NXN: variants seen among roughly 807,000 people sequenced by gnomAD.
NXN encodes the protein nucleoredoxin 1.
In NXN, 16 loss-of-function variants were observed where a neutral mutation model predicts 48.6. The observed-to-expected ratio is 0.33, with a 90% CI of 0.22 to 0.50. NXN has a LOEUF of 0.50. Among genes scored for constraint, NXN ranks in the 20% least tolerant of loss-of-function variants. The pLI, the probability that NXN is intolerant of heterozygous loss-of-function variation, is 0.98. For missense variants in NXN, 492 were observed against 605.5 expected (o/e 0.81, Z 1.97); for synonymous variants, 281 against 269.6 (o/e 1.04, Z -0.41).
At chr17:826,951 A>C (rs7216790) in intron 1 of NXN, among the ~76,000 whole-genome samples, 1 of 152,128 alleles carries the variant, frequency 6.6e-6, no homozygotes, top group Non-Finnish European at 1.5e-5. Flanking sequence ...TCTGTTCGCC[A>C]TCGGGGTGAA....
At chr17:833,760 G>A (rs953789048) in intron 1 of NXN, among the ~76,000 whole-genome samples, 25 of 152,272 alleles carry the variant, frequency 1.6e-4, no homozygotes, top group Middle Eastern at 3.4e-3. Context: ...GTCAGTGCAC[G>A]TCTTGACCTT....
intron 1 of NXN, among the ~76,000 whole-genome samples, chr17:828,917 G>GGA (rs397701060): frequency 0.015 from 265 of 17,488 alleles, 4 homozygotes; most frequent in African/African-American, 0.031. Context: ...AATTCTTGGA[G>GGA]AAAAAAAATC....
intron 2 of NXN, among the ~76,000 whole-genome samples, chr17:824,192 A>G (rs1278765980): frequency 6.6e-6 from 1 of 152,026 alleles, no homozygotes; most frequent in Non-Finnish European, 1.5e-5. Context: ...GGTGCCCGCC[A>G]CCAGGCCCGG....
intron 1 of NXN, among the ~76,000 whole-genome samples, chr17:895,906 G>T (rs112734245): frequency 1.7e-4 from 26 of 152,112 alleles, no homozygotes; most frequent in African/African-American, 6.3e-4. Flanking sequence ...TAGTAAAATG[G>T]GCTTTACAAA....
intron 1 of NXN, among the ~76,000 whole-genome samples, chr17:836,473 T>C (rs1236215545): frequency 6.6e-6 from 1 of 152,154 alleles, no homozygotes; most frequent in Admixed American, 6.5e-5. Context: ...GCCCTAAATG[T>C]GCTCTCACCC....
At chr17:838,110 GA>G (rs1406710080) in intron 1 of NXN, among the ~76,000 whole-genome samples, 1 of 143,870 alleles carries the variant, frequency 7.0e-6, no homozygotes, top group African/African-American at 2.6e-5. Flanking sequence ...TCAGAACACT[GA>G]ATTTTCCTTT....
intron 1 of NXN, among the ~76,000 whole-genome samples, chr17:844,708 C>T (rs191507336): frequency 1.3e-5 from 2 of 152,178 alleles, no homozygotes; most frequent in Admixed American, 1.3e-4. Context: ...CCTCAGCCTC[C>T]TGAGGAGCTG....
At chr17:826,728 T>C (rs908836157) in intron 1 of NXN, among the ~76,000 whole-genome samples, 2 of 151,864 alleles carry the variant, frequency 1.3e-5, no homozygotes, top group Non-Finnish European at 2.9e-5. Context: ...AATATCACAG[T>C]CGTCGTTACG....
chr17:867,680 C>G (rs928396999), intron 1 of NXN, among the ~76,000 whole-genome samples: 1 of 152,160 alleles, frequency 6.6e-6, no homozygotes, highest in African/African-American at 2.4e-5. Flanking sequence ...AATCCCAGCA[C>G]TTTGGGAGGC....
At chr17:834,658 T>G (rs895861029) in intron 1 of NXN, among the ~76,000 whole-genome samples, 4 of 151,812 alleles carry the variant, frequency 2.6e-5, no homozygotes, top group African/African-American at 9.7e-5. Flanking sequence ...GTGCTGGGAT[T>G]ACAGGCGCCC....
chr17:919,213 A>G lies in NXN; in HGVS notation c.360+60106T>C, dbSNP rs2068720471. Among the ~76,000 whole-genome samples the G allele has an allele frequency of 6.6e-6, 1 of 151,796 alleles. No homozygotes were observed. The highest frequency in any genetic ancestry group is 6.6e-5 in the Admixed American group (1 of 15,230). On this transcript the variant is annotated intron_variant, in intron 1 of 7. Coordinates refer to ENST00000336868, the MANE Select transcript of NXN (RefSeq NM_022463.5). This position sits in a 1 kb window ranked among gnomAD's most constrained non-coding sequence, Gnocchi z 5.1. ...GCCCGTCTCTACTACAAATACAAAA[A>G]TCAGCCGGGCGTCATGGCGGGCACC...
At chr17:964,954 C>T (rs1055428848) in intron 1 of NXN, among the ~76,000 whole-genome samples, 7 of 152,180 alleles carry the variant, frequency 4.6e-5, no homozygotes, top group African/African-American at 1.7e-4. Context: ...CATTAATGCC[C>T]TAATGAGAGG....
In NXN at chr17:920,271, G is replaced by A. The variant is rs1044477624; in HGVS notation, c.360+59048C>T. Among the ~76,000 whole-genome samples, 12 of 152,170 alleles carry A rather than the reference G, an allele frequency of 7.9e-5. No homozygotes were observed. The highest frequency in any genetic ancestry group is 1.3e-4 in the Admixed American group (2 of 15,290). On this transcript the variant is annotated intron_variant, in intron 1 of 7. Transcript: ENST00000336868. The surrounding 1 kb of genome is among the most constrained non-coding windows in gnomAD (Gnocchi z 4.6). Reference sequence around the variant, plus strand: ...TCATCTCCCCCCGCCCCTGGCTCCCGCTTTGACCTGGAGGAATCTGGCAAC... The same window carrying A: ...TCATCTCCCCCCGCCCCTGGCTCCCACTTTGACCTGGAGGAATCTGGCAAC...
intron 1 of NXN, among the ~76,000 whole-genome samples, chr17:931,532 T>C (rs918500621): frequency 1.3e-5 from 2 of 152,054 alleles, no homozygotes; most frequent in South Asian, 2.1e-4. Flanking sequence ...TAAGCACATG[T>C]TATTTATTTT....
At chr17:809,686 C>G (rs1281416286) in intron 5 of NXN, among the ~76,000 whole-genome samples, 1 of 152,216 alleles carries the variant, frequency 6.6e-6, no homozygotes, top group Non-Finnish European at 1.5e-5. Flanking sequence ...GAGGACGCAC[C>G]AGCAGGCAAA....
chr17:913,562 C>T (rs1050057919), intron 1 of NXN, among the ~76,000 whole-genome samples: 5 of 151,936 alleles, frequency 3.3e-5, no homozygotes, highest in African/African-American at 9.7e-5. Context: ...ACAACAGAGA[C>T]CAAAGGAAAA....
Position 978,994 on chromosome 17 carries a change from G to A in NXN, c.360+325C>T, listed in dbSNP as rs1225305914. Among the ~76,000 whole-genome samples the A allele has an allele frequency of 2.0e-5, 3 of 150,504 alleles. No homozygotes were observed. The highest frequency in any genetic ancestry group is 2.1e-4 in the South Asian group (1 of 4,740). On this transcript the variant is annotated intron_variant, in intron 1 of 7. Transcript: ENST00000336868. This position sits in a 1 kb window ranked among gnomAD's most constrained non-coding sequence, Gnocchi z 4.1. Reference sequence around the variant, plus strand: ...GAGGCTCCCAGCGTGTGCGGACGGAGGGGCTCGAGCCGGGATCCCGGGGGC... The same window carrying A: ...GAGGCTCCCAGCGTGTGCGGACGGAAGGGCTCGAGCCGGGATCCCGGGGGC...
intron 1 of NXN, among the ~76,000 whole-genome samples, chr17:874,112 A>AG (rs994118968): frequency 6.6e-6 from 1 of 152,182 alleles, no homozygotes; most frequent in African/African-American, 2.4e-5. Flanking sequence ...CATGATAGTG[A>AG]GTGAGTTCTC....
chr17:805,023 C>CCCCCCCCACCCACCCCA, intron 6 of NXN, 45 bp downstream of exon 6: 3 of 1,505,596 alleles, frequency 2.0e-6, no homozygotes, highest in Non-Finnish European at 2.7e-6. Flanking sequence ...CCTCCTGTCC[C>CCCCCCCCACCCACCCCA]GCCCCCCAGC....
Sources: allele counts gnomAD v4.1 joint callset (sites outside exome capture counted in the v4.1 genomes callset), GRCh38; gene constraint gnomAD v4.1.1; non-coding constraint Gnocchi (gnomAD v3.1); transcripts MANE v1.5; gene names NCBI Gene and HGNC (gene_info 2026-07-23, HGNC 2026-07-21).